Variants in SPRY3 observed in about 807,000 individuals in gnomAD.
SPRY3 encodes protein sprouty homolog 3.
In SPRY3, 15 loss-of-function variants were observed where a neutral mutation model predicts 20.2. The ratio of observed to expected loss-of-function variants is 0.74; its 90% CI spans 0.50 to 1.14. The LOEUF (loss-of-function observed/expected upper bound fraction) is 1.14, where lower values mean the gene tolerates loss of function less well. Among genes scored for constraint, SPRY3 ranks in the 50% most tolerant of loss-of-function variants. The pLI is 0.00. For missense variants in SPRY3, 364 were observed against 363.9 expected (o/e 1.00, Z 0.00); for synonymous variants, 143 against 136.5 (o/e 1.05, Z -0.33).
intron 1 of SPRY3, among the ~76,000 whole-genome samples, chrX:155,656,610 T>G (rs999155741): frequency 2.7e-5 from 3 of 111,284 alleles, no homozygotes; most frequent in Non-Finnish European, 5.6e-5. Context: ...TTCGTCAAAC[T>G]CATTCTCTGT....
intron 2 of SPRY3, among the ~76,000 whole-genome samples, chrX:155,764,276 T>C (rs1269204864): frequency 6.6e-6 from 1 of 152,210 alleles, no homozygotes; most frequent in Non-Finnish European, 1.5e-5. Flanking sequence ...ATATGTTTTC[T>C]GAAGAGTACA....
intron 2 of SPRY3, among the ~76,000 whole-genome samples, chrX:155,660,176 C>T (rs1329494207): frequency 9.0e-6 from 1 of 111,375 alleles, no homozygotes; most frequent in East Asian, 2.8e-4. Flanking sequence ...ATAAACTCCC[C>T]CTTAGCGGTG....
chrX:155,768,855 TATC>T (rs1252879031), intron 3 of SPRY3, among the ~76,000 whole-genome samples: 1 of 152,220 alleles, frequency 6.6e-6, no homozygotes, highest in Non-Finnish European at 1.5e-5. Flanking sequence ...TAATTATAAT[TATC>T]ATTCTTCACC....
intron 1 of SPRY3, among the ~76,000 whole-genome samples, chrX:155,629,331 T>C (rs1193739259): frequency 9.0e-6 from 1 of 110,569 alleles, no homozygotes; most frequent in Non-Finnish European, 1.9e-5. Flanking sequence ...ACAAAGGACA[T>C]GAACTCATCC....
At chrX:155,712,679 C>T (rs2090995185) in intron 2 of SPRY3, among the ~76,000 whole-genome samples, 1 of 151,934 alleles carries the variant, frequency 6.6e-6, no homozygotes, top group Non-Finnish European at 1.5e-5. Context: ...TATTTACATT[C>T]AATGTCCTTA....
chrX:155,725,792 G>A (rs1412894782), intron 2 of SPRY3, among the ~76,000 whole-genome samples: 1 of 151,982 alleles, frequency 6.6e-6, no homozygotes, highest in Non-Finnish European at 1.5e-5. Flanking sequence ...TTGATTTTTT[G>A]AAGGGTTTTT....
intron 2 of SPRY3, among the ~76,000 whole-genome samples, chrX:155,692,185 TA>T (rs2068104702): frequency 9.1e-6 from 1 of 109,491 alleles, no homozygotes; most frequent in Admixed American, 9.7e-5. Flanking sequence ...GGTACAGCTT[TA>T]TATTTTACAT....
At chrX:155,698,520 C>T (rs2068126248) in intron 2 of SPRY3, among the ~76,000 whole-genome samples, 1 of 111,623 alleles carries the variant, frequency 9.0e-6, no homozygotes, top group Non-Finnish European at 1.9e-5. Flanking sequence ...CCATCAATTC[C>T]CAGGGAAGAG....
intron 1 of SPRY3, among the ~76,000 whole-genome samples, chrX:155,637,964 A>T (rs1603117042): frequency 1.2e-5 from 1 of 83,506 alleles, no homozygotes; most frequent in African/African-American, 4.0e-5. Context: ...AGTGTTAGTA[A>T]TTCTCAGGGT....
intron 2 of SPRY3, among the ~76,000 whole-genome samples, chrX:155,730,543 A>T (rs2091126120): frequency 6.6e-6 from 1 of 152,172 alleles, no homozygotes. Context: ...ATACCTCAAT[A>T]TAATAAAAGC....
intron 1 of SPRY3, among the ~76,000 whole-genome samples, chrX:155,618,000 A>G (rs1281962444): frequency 2.7e-5 from 3 of 112,384 alleles, no homozygotes; most frequent in Non-Finnish European, 5.6e-5. Flanking sequence ...CAGGAAATTT[A>G]CATTGGTAAA....
intron 2 of SPRY3, among the ~76,000 whole-genome samples, chrX:155,732,689 T>C (rs2091141766): frequency 1.3e-5 from 2 of 148,858 alleles, no homozygotes; most frequent in Admixed American, 6.7e-5. Context: ...ATTGAAGAGA[T>C]ATCTACACTC....
chrX:155,761,556 G>A (rs917804579), intron 2 of SPRY3, among the ~76,000 whole-genome samples: 1 of 151,864 alleles, frequency 6.6e-6, no homozygotes, highest in South Asian at 2.1e-4. Context: ...ATTTTCCTTT[G>A]GTTATATACC....
chrX:155,616,309 A>T (rs1040144755), intron 1 of SPRY3, among the ~76,000 whole-genome samples: 2 of 110,069 alleles, frequency 1.8e-5, no homozygotes, highest in African/African-American at 6.6e-5. Context: ...CTGAAGAGAG[A>T]CACTAAGCCA....
chrX:155,774,459 C>T (rs1170821580), exon 4 of SPRY3: 2 of 1,614,000 alleles, frequency 1.2e-6, no homozygotes, highest in Admixed American at 1.7e-5. Flanking sequence ...GCCTCTTCTA[C>T]CACTGCTCCA....
At chrX:155,721,272 T>C (rs2091055313) in intron 2 of SPRY3, among the ~76,000 whole-genome samples, 1 of 151,630 alleles carries the variant, frequency 6.6e-6, no homozygotes, top group African/African-American at 2.4e-5. Context: ...AAAAAAAGAA[T>C]AAAAACAATG....
At chrX:155,746,223 A>C (rs2091225383) in intron 2 of SPRY3, among the ~76,000 whole-genome samples, 1 of 152,078 alleles carries the variant, frequency 6.6e-6, no homozygotes, top group Non-Finnish European at 1.5e-5. Flanking sequence ...AAGCAAGTAA[A>C]TATTAATAAT....
chrX:155,734,445 A>C (rs2124566760), intron 2 of SPRY3, among the ~76,000 whole-genome samples: 1 of 152,208 alleles, frequency 6.6e-6, no homozygotes, highest in East Asian at 1.9e-4. Context: ...CTGTAATGGT[A>C]ACGTCAAAGA....
At chrX:155,642,391 C>T (rs1038152650) in intron 1 of SPRY3, among the ~76,000 whole-genome samples, 10 of 110,745 alleles carry the variant, frequency 9.0e-5, no homozygotes, top group South Asian at 3.8e-4. Flanking sequence ...AATTAGTCTG[C>T]CTAAAGGTTT....
Sources: gnomAD v4.1 joint callset for allele counts (sites outside exome capture counted in the v4.1 genomes callset) on GRCh38, gnomAD v4.1.1 for gene constraint, MANE v1.5 for transcripts, NCBI Gene and HGNC (gene_info 2026-07-23, HGNC 2026-07-21) for gene names.